The following DNAH9 variants were observed in gnomAD, a reference collection of about 807,000 sequenced individuals.
DNAH9 encodes DNAH9 variant protein.
Under a neutral mutation model 471.6 loss-of-function variants are expected in DNAH9, and 345 were observed. The ratio of observed to expected loss-of-function variants is 0.73; its 90% CI spans 0.67 to 0.80. The LOEUF (loss-of-function observed/expected upper bound fraction) is 0.80. DNAH9 is among the 30% of genes least tolerant of loss of function. The pLI is 0.00. For synonymous variants in DNAH9, 2,093 were observed against 2,123.6 expected (o/e 0.99, Z 0.40); for missense variants, 5,407 against 5,609.2 (o/e 0.96, Z 1.15).
intron 28 of DNAH9, among the ~76,000 whole-genome samples, chr17:11,729,835 C>T (rs531524150): frequency 3.3e-4 from 51 of 152,270 alleles, no homozygotes; most frequent in African/African-American, 6.3e-4. Flanking sequence ...TAGGTGTGGA[C>T]GTGGGGCTGT....
chr17:11,879,990 C>A, intron 53 of DNAH9, 88 bp from the exon 54 acceptor site: 1 of 1,502,832 alleles, frequency 6.7e-7, no homozygotes, highest in Non-Finnish European at 9.1e-7. Flanking sequence ...ACCACCATGT[C>A]TTAGAGGTCA....
intron 64 of DNAH9, among the ~76,000 whole-genome samples, chr17:11,933,671 C>T (rs1312150862): frequency 2.6e-5 from 4 of 152,264 alleles, no homozygotes; most frequent in East Asian, 1.9e-4. Context: ...TGAGCCACCG[C>T]GCCCGGCCTT....
chr17:11,817,811 C>T (rs139969720), intron 45 of DNAH9, among the ~76,000 whole-genome samples: 3 of 152,158 alleles, frequency 2.0e-5, no homozygotes, highest in Admixed American at 6.5e-5. Flanking sequence ...CATTAACTAT[C>T]TCAAAGAATA....
At chr17:11,620,037 G>C in intron 6 of DNAH9, 1 of 470,818 alleles carries the variant, frequency 2.1e-6, no homozygotes, top group South Asian at 2.7e-5. Context: ...ATGGCAAAAC[G>C]CCTTCTCTAC....
chr17:11,679,391 C>A (rs1308187300), intron 17 of DNAH9, among the ~76,000 whole-genome samples: 3 of 152,364 alleles, frequency 2.0e-5, no homozygotes, highest in Admixed American at 2.0e-4. Flanking sequence ...TGCCACTTCT[C>A]TGAATCCAGC....
At position 11,905,526 on chromosome 17, in the gene DNAH9, C is replaced by A. The variant is rs12603431; in HGVS notation, c.11601-135C>A. 101 of 888,304 alleles carry A rather than the reference C, an allele frequency of 1.1e-4. No individual in the cohort carries two copies. The East Asian group carries it at 2.3e-3, about 20-fold the overall frequency. The allele number at this position is 888,304 out of a possible 1,614,324, so 55.0% of individuals were successfully genotyped here. ...ACTTAATAAGCAGTGGACTTGGAGC[C>A]AGTCCTAGCTCTATAACTACCTAGC... On this transcript the variant is annotated intron_variant, in intron 60 of 68. Coordinates refer to ENST00000262442, the MANE Select transcript of DNAH9 (RefSeq NM_001372.4).
intron 28 of DNAH9, among the ~76,000 whole-genome samples, chr17:11,733,998 A>G (rs573668945): frequency 1.3e-5 from 2 of 152,302 alleles, no homozygotes; most frequent in Admixed American, 6.5e-5. Flanking sequence ...CTGAGGGGCA[A>G]TTGTGGGCCA....
intron 61 of DNAH9, among the ~76,000 whole-genome samples, chr17:11,907,800 C>G (rs554609034): frequency 6.6e-6 from 1 of 152,260 alleles, no homozygotes; most frequent in Admixed American, 6.5e-5. Flanking sequence ...CAACAGCCCC[C>G]AGCACCAGCC....
chr17:11,858,083 G>C (rs965541252), intron 50 of DNAH9, among the ~76,000 whole-genome samples: 2 of 152,180 alleles, frequency 1.3e-5, no homozygotes, highest in Non-Finnish European at 1.5e-5. Flanking sequence ...GGTGATCTCT[G>C]GGTGATGAAT....
At chr17:11,683,977 T>G (rs1372074580) in intron 19 of DNAH9, among the ~76,000 whole-genome samples, 1 of 152,192 alleles carries the variant, frequency 6.6e-6, no homozygotes. Flanking sequence ...TGTGTGTGAG[T>G]GTTCAAAATT....
At chr17:11,952,448 T>G (rs1181083896) in intron 67 of DNAH9, among the ~76,000 whole-genome samples, 2 of 150,148 alleles carry the variant, frequency 1.3e-5, no homozygotes, top group Non-Finnish European at 3.0e-5. Context: ...CATGAGCCAC[T>G]GTGCCCAGCT....
Position 11,689,780 on chromosome 17 carries a change from G to A in DNAH9, c.3958G>A (p.Glu1320Lys), listed in dbSNP as rs745766956. The A allele has an allele frequency of 1.2e-6, 2 of 1,614,104 alleles. No homozygotes were observed. The highest frequency in any genetic ancestry group is 4.5e-5 in the East Asian group (2 of 44,886). ...GGTGACCTCCAGCATCCATGCCTGGGAGACCACACCCTGGAGGAATATCAA... is the reference window on the plus strand; with the variant it reads ...GGTGACCTCCAGCATCCATGCCTGGAAGACCACACCCTGGAGGAATATCAA... ...GMVTSSIHAW[E>K]TTPWRNINVE... Residue 1320 changes from glutamate to lysine, a missense_variant, in exon 20 of 69, where the codon GAG becomes AAG. Transcript: ENST00000262442.
intron 26 of DNAH9, among the ~76,000 whole-genome samples, chr17:11,717,228 A>T (rs1413931943): frequency 6.6e-6 from 1 of 152,224 alleles, no homozygotes. Context: ...AAGGGAACTT[A>T]AAGACTTTCA....
intron 35 of DNAH9, among the ~76,000 whole-genome samples, chr17:11,763,158 G>A (rs980275775): frequency 1.3e-5 from 2 of 152,064 alleles, no homozygotes; most frequent in Admixed American, 1.3e-4. Context: ...ATCATCAACA[G>A]AAAGAGAAGA....
At chr17:11,742,360 C>G (rs1279087790) in intron 30 of DNAH9, 47 bp downstream of exon 30, 1 of 1,585,322 alleles carries the variant, frequency 6.3e-7, no homozygotes, top group East Asian at 2.2e-5. Flanking sequence ...TGCAACAGCC[C>G]CAGCTCTGGA....
In DNAH9 at chr17:11,893,791, A is replaced by G. The variant is rs886681836; in HGVS notation, c.11284-583A>G. On this transcript the variant is annotated intron_variant, in intron 58 of 68. Transcript: ENST00000262442. The stretch of plus-strand genomic sequence containing the variant: ...GGCTTCAAACCTAGATGACAGGTTG[A>G]CAGGTGCAGCAAACCACCATGGCCC... Among the ~76,000 whole-genome samples, 4 of 152,218 alleles carry G rather than the reference A, an allele frequency of 2.6e-5. No homozygotes were observed. The East Asian group carries it at 7.7e-4, about 29-fold the overall frequency.
At chr17:11,696,875 T>C (rs989807561) in intron 22 of DNAH9, among the ~76,000 whole-genome samples, 13 of 152,116 alleles carry the variant, frequency 8.5e-5, no homozygotes, top group Admixed American at 2.0e-4. Context: ...TAAAAATTAA[T>C]TAATTTTTTT....
At chr17:11,938,684 C>A (rs1974794152) in intron 66 of DNAH9, among the ~76,000 whole-genome samples, 1 of 152,108 alleles carries the variant, frequency 6.6e-6, no homozygotes, top group South Asian at 2.1e-4. Context: ...CTACAGCCTG[C>A]AACTCCTAAC....
chr17:11,933,588 C>A (rs2151037478), intron 64 of DNAH9, among the ~76,000 whole-genome samples: 1 of 152,178 alleles, frequency 6.6e-6, no homozygotes, highest in Admixed American at 6.5e-5. Flanking sequence ...CCATGTTGGT[C>A]AGGCTGGTCT....
Sources: allele counts gnomAD v4.1 joint callset (sites outside exome capture counted in the v4.1 genomes callset), GRCh38; gene constraint gnomAD v4.1.1; transcripts MANE v1.5; gene names NCBI Gene and HGNC (gene_info 2026-07-23, HGNC 2026-07-21).